NUBPL: variants seen among roughly 807,000 people sequenced by gnomAD.
NUBPL encodes the protein iron-sulfur cluster transfer protein NUBPL.
A neutral mutation model predicts 45.7 loss-of-function variants in NUBPL; 31 were observed. That is an observed-to-expected ratio of 0.68 (90% CI 0.51 to 0.92). NUBPL has a LOEUF of 0.92. NUBPL is among the 40% of genes least tolerant of loss of function. The pLI, the probability that NUBPL is intolerant of heterozygous loss-of-function variation, is 0.00. For missense variants in NUBPL, 401 were observed against 398.7 expected, an observed-to-expected ratio of 1.01 and a Z score of -0.05; for synonymous variants, 144 against 140.9, an observed-to-expected ratio of 1.02 and a Z score of -0.15.
At chr14:31,595,717 G>T (rs1477584288) in intron 3 of NUBPL, among the ~76,000 whole-genome samples, 1 of 152,068 alleles carries the variant, frequency 6.6e-6, no homozygotes, top group Non-Finnish European at 1.5e-5. Flanking sequence ...AAAAATAACG[G>T]AGTCAATTAT....
chr14:31,700,761 C>T (rs577444445), intron 6 of NUBPL, among the ~76,000 whole-genome samples: 124 of 152,216 alleles, frequency 8.1e-4, no homozygotes, highest in Non-Finnish European at 1.2e-3. Context: ...GAATTCTTGC[C>T]GGGCCTCAGC....
At chr14:31,712,841 C>G (rs999251365) in intron 6 of NUBPL, among the ~76,000 whole-genome samples, 1 of 152,236 alleles carries the variant, frequency 6.6e-6, no homozygotes, top group East Asian at 1.9e-4. Context: ...AATCCATCTC[C>G]TTGACCAACT....
intron 7 of NUBPL, among the ~76,000 whole-genome samples, chr14:31,806,477 G>A (rs951689237): frequency 6.6e-6 from 1 of 152,102 alleles, no homozygotes; most frequent in East Asian, 1.9e-4. Flanking sequence ...AACCAAAATA[G>A]TTTTTTCAGT....
chr14:31,599,214 C>G (rs1419718372), intron 3 of NUBPL, 75 bp from the exon 4 acceptor site: 1 of 1,146,032 alleles, frequency 8.7e-7, no homozygotes, highest in Admixed American at 1.7e-5. Context: ...TATGCTTCAC[C>G]TTTGAGAAGA....
At chr14:31,572,094 C>T (rs2033600627) in intron 3 of NUBPL, among the ~76,000 whole-genome samples, 1 of 151,972 alleles carries the variant, frequency 6.6e-6, no homozygotes, top group Non-Finnish European at 1.5e-5. Context: ...AGATCCTGTG[C>T]TCTTAACGTA....
intron 8 of NUBPL, among the ~76,000 whole-genome samples, chr14:31,839,502 A>G (rs983853620): frequency 6.6e-6 from 1 of 152,224 alleles, no homozygotes; most frequent in Non-Finnish European, 1.5e-5. Flanking sequence ...ACCTGAAACT[A>G]TGAAAGTATT....
In NUBPL at chr14:31,665,486, T is replaced by C. The variant is rs151275545; in HGVS notation, c.383-7869T>C. On this transcript the variant is annotated intron_variant, in intron 4 of 10. Coordinates refer to ENST00000281081, the MANE Select transcript of NUBPL (RefSeq NM_025152.3). The stretch of plus-strand genomic sequence containing the variant: ...TGTCTTAATTTCATTATTTACCCAG[T>C]AGTAGTCATTCAGGAGCAGGTTTTT... 2.1e-3 allele frequency among the ~76,000 whole-genome samples: 318 copies of C among 152,278 alleles called. 1 individual carries two copies. The highest frequency in any genetic ancestry group is 7.3e-3 in the African/African-American group (303 of 41,574).
At chr14:31,832,508 G>C (rs1311974480) in intron 8 of NUBPL, among the ~76,000 whole-genome samples, 3 of 152,262 alleles carry the variant, frequency 2.0e-5, no homozygotes, top group African/African-American at 7.2e-5. Flanking sequence ...ACAAATCTCT[G>C]CCCTTCTTCT....
At chr14:31,570,725 G>A (rs1351839676) in intron 3 of NUBPL, among the ~76,000 whole-genome samples, 1 of 152,022 alleles carries the variant, frequency 6.6e-6, no homozygotes, top group Non-Finnish European at 1.5e-5. Flanking sequence ...CTACTTTTGG[G>A]TCATTCATTC....
At chr14:31,825,838 CTTCT>C (rs2040093423) in intron 7 of NUBPL, among the ~76,000 whole-genome samples, 1 of 148,690 alleles carries the variant, frequency 6.7e-6, no homozygotes, top group African/African-American at 2.5e-5. Flanking sequence ...CTTCTTGTTT[CTTCT>C]TTCTTCTTTT....
rs376994938 is a variant in NUBPL, at chr14:31,562,206, A to G, written c.247A>G (p.Thr83Ala). The stretch of plus-strand genomic sequence containing the variant: ...TGGAAAGGGTGGAGTCGGAAAATCT[A>G]CTACAGCAGGTATTATAGGATATTA... ...ASGKGGVGKS[T>A]TAVNLALALA... The change falls in exon 2 of 11, where the codon ACT becomes GCT. Residue 83 changes from threonine to alanine, a missense_variant. Coordinates refer to ENST00000281081, the MANE Select transcript of NUBPL (RefSeq NM_025152.3). The G allele has an allele frequency of 1.2e-6, 2 of 1,613,620 alleles. No homozygotes were observed. The highest frequency in any genetic ancestry group is 2.7e-5 in the African/African-American group (2 of 74,918).
intron 7 of NUBPL, among the ~76,000 whole-genome samples, chr14:31,792,782 T>C (rs960498607): frequency 3.9e-5 from 6 of 152,240 alleles, no homozygotes; most frequent in African/African-American, 1.4e-4. Flanking sequence ...ATTGTGTCTA[T>C]GTGTGTGTTA....
chr14:31,605,543 G>A (rs1010452076), intron 4 of NUBPL, among the ~76,000 whole-genome samples: 3 of 152,164 alleles, frequency 2.0e-5, no homozygotes, highest in Non-Finnish European at 4.4e-5. Context: ...TCATGGCACA[G>A]TTTTCTGCTC....
chr14:31,805,653 G>A (rs2138880415), intron 7 of NUBPL, among the ~76,000 whole-genome samples: 1 of 152,092 alleles, frequency 6.6e-6, no homozygotes, highest in East Asian at 1.9e-4. Context: ...ACTACCTAAT[G>A]CAGGAATAAA....
intron 8 of NUBPL, among the ~76,000 whole-genome samples, chr14:31,833,351 A>G (rs2138988435): frequency 6.6e-6 from 1 of 152,128 alleles, no homozygotes; most frequent in East Asian, 1.9e-4. Context: ...CCTGAGTGTT[A>G]TAGAGTGAGA....
intron 4 of NUBPL, among the ~76,000 whole-genome samples, chr14:31,655,489 G>A (rs1162580347): frequency 2.0e-5 from 3 of 152,266 alleles, no homozygotes; most frequent in South Asian, 2.1e-4. Flanking sequence ...GATGCGGGTG[G>A]ATTGCCTGAG....
intron 6 of NUBPL, among the ~76,000 whole-genome samples, chr14:31,678,989 C>CA (rs1352385979): frequency 3.3e-5 from 5 of 152,234 alleles, no homozygotes; most frequent in Non-Finnish European, 7.3e-5. Context: ...CGATTCCCCT[C>CA]TGGTTAGGGC....
intron 8 of NUBPL, among the ~76,000 whole-genome samples, chr14:31,841,025 A>G (rs1293944294): frequency 1.3e-5 from 2 of 152,250 alleles, no homozygotes; most frequent in African/African-American, 4.8e-5. Context: ...GATAGTTGCC[A>G]TCGTTCTTTT....
intron 7 of NUBPL, among the ~76,000 whole-genome samples, chr14:31,789,455 A>G (rs1490957966): frequency 2.0e-5 from 3 of 152,202 alleles, no homozygotes; most frequent in South Asian, 2.1e-4. Context: ...CATAGCTTAT[A>G]TCAAATACAT....
Sources: allele counts gnomAD v4.1 joint callset (sites outside exome capture counted in the v4.1 genomes callset), GRCh38; gene constraint gnomAD v4.1.1; transcripts MANE v1.5; gene names NCBI Gene and HGNC (gene_info 2026-07-23, HGNC 2026-07-21).